The following SOS2 variants were observed in gnomAD, a reference collection of about 807,000 sequenced individuals.
SOS2 encodes son of sevenless homolog 2.
Under a neutral mutation model 148.2 loss-of-function variants are expected in SOS2, and 65 were observed. That is an observed-to-expected ratio of 0.44 (90% CI 0.36 to 0.54). SOS2 has a LOEUF of 0.54. SOS2 is among the 20% of genes least tolerant of loss of function. The probability of loss-of-function intolerance (pLI) is 0.00; values close to 1 mark genes in which losing one functional copy is unlikely to be tolerated. For missense variants in SOS2, 1,341 were observed against 1,590.2 expected, an observed-to-expected ratio of 0.84 and a Z score of 2.67; for synonymous variants, 539 against 537.1, an observed-to-expected ratio of 1.00 and a Z score of -0.05.
chr14:50,182,126 G>T (rs1258735141), intron 6 of SOS2, among the ~76,000 whole-genome samples: 1 of 150,704 alleles, frequency 6.6e-6, no homozygotes, highest in African/African-American at 2.4e-5. Flanking sequence ...ATTTTAGTTT[G>T]TTATCAGTTA....
intron 7 of SOS2, among the ~76,000 whole-genome samples, chr14:50,175,050 A>C (rs1404577859): frequency 2.0e-5 from 1 of 50,864 alleles, no homozygotes; most frequent in Non-Finnish European, 4.2e-5. Flanking sequence ...CACTGTCAAA[A>C]TAAACAGCAA....
chr14:50,118,215 T>C lies in SOS2; in HGVS notation c.*129A>G. On this transcript the variant is annotated 3_prime_UTR_variant, in exon 23 of 23. Coordinates refer to ENST00000216373, the MANE Select transcript of SOS2 (RefSeq NM_006939.4). ...ATTTTTCCAATTCTTAAAAGCTTAT[T>C]TGATCAGTAGCATTTTTGTAAGAGC... 1 of 763,802 alleles carries C rather than the reference T, an allele frequency of 1.3e-6. No homozygotes were observed. Among genetic ancestry groups the C allele is most frequent in the Non-Finnish European group, 2.1e-6 (1 of 480,288 alleles). 47.3% of individuals were successfully genotyped at this position (763,802 alleles called of 1,614,324 possible). A position where few individuals can be genotyped will look rare whatever the true frequency, so the allele number is the denominator to read the frequency against.
In SOS2 at chr14:50,130,778, A is replaced by G. The variant is rs1250739651; in HGVS notation, c.3076-16T>C. On this transcript the variant is annotated splice_polypyrimidine_tract_variant and intron_variant, in intron 19 of 22. Transcript: ENST00000216373. ...ATTTCCTAGGCTGAGAAAAGCAAAC[A>G]TAATTAATGTCACAAATTTGCATAG... The G allele has an allele frequency of 2.5e-6, 4 of 1,582,394 alleles. No individual in the cohort carries two copies. The highest frequency in any genetic ancestry group is 3.8e-5 in the Admixed American group (2 of 53,082).
At chr14:50,197,011 T>A (rs1403456080) in intron 4 of SOS2, among the ~76,000 whole-genome samples, 1 of 151,910 alleles carries the variant, frequency 6.6e-6, no homozygotes, top group Admixed American at 6.6e-5. Flanking sequence ...GGGACTATAG[T>A]CACAAGCACA....
chr14:50,135,989 A>G (rs1441237903), intron 18 of SOS2, among the ~76,000 whole-genome samples: 1 of 152,150 alleles, frequency 6.6e-6, no homozygotes, highest in Non-Finnish European at 1.5e-5. Context: ...AGCATATATA[A>G]AAATGGTACT....
At chr14:50,138,139 C>A (rs1436750704) in intron 18 of SOS2, among the ~76,000 whole-genome samples, 1 of 151,392 alleles carries the variant, frequency 6.6e-6, no homozygotes, top group Non-Finnish European at 1.5e-5. Flanking sequence ...CCATGCCCAG[C>A]CGATACTTAT....
At chr14:50,169,573 G>A (rs976079449) in intron 8 of SOS2, among the ~76,000 whole-genome samples, 1 of 152,060 alleles carries the variant, frequency 6.6e-6, no homozygotes, top group Non-Finnish European at 1.5e-5. Flanking sequence ...CTGGGAGGCA[G>A]AGGTTGCAGT....
intron 14 of SOS2, 50 bp downstream of exon 14, chr14:50,149,958 A>G (rs1294911002): frequency 1.6e-6 from 2 of 1,234,552 alleles, no homozygotes; most frequent in African/African-American, 3.0e-5. Context: ...AAAATAGGTA[A>G]TGTTCAAGAT....
In SOS2 at chr14:50,160,027, T is replaced by G. The variant is rs199998698; in HGVS notation, c.1256A>C (p.Lys419Thr). 9 of 1,614,106 alleles carry G rather than the reference T, an allele frequency of 5.6e-6. No homozygotes were observed. Among genetic ancestry groups the G allele is most frequent in the Non-Finnish European group, 7.6e-6 (9 of 1,179,988 alleles). Residue 419 changes from lysine (K) to threonine (T), a missense_variant, in exon 10 of 23, where the codon AAA (lysine) becomes ACA (threonine). Lys to Thr is a moderately conservative substitution (Grantham distance 78). This residue lies in a region of SOS2 where 574 missense variants were observed against 711.1 expected (regional missense o/e 0.81). Transcript: ENST00000216373. ...QLRSKHLAIK[K>T]MNEIQKNIDG... is the part of the protein sequence containing the mutation. ...GATATTTTTCTGAATTTCATTCATT[T>G]TTTTGATAGCCAGGTGTTTGCTTCT...
At chr14:50,192,556 TA>T (rs201886830) in intron 4 of SOS2, among the ~76,000 whole-genome samples, 5 of 145,704 alleles carry the variant, frequency 3.4e-5, no homozygotes, top group African/African-American at 1.0e-4. Context: ...ACCTTGTCTT[TA>T]AAAAAAAACA....
In SOS2 at chr14:50,139,588, T is replaced by C. The variant is rs1211445704; in HGVS notation, c.2785+354A>G. On this transcript the variant is annotated intron_variant, in intron 17 of 22. Coordinates refer to ENST00000216373, the MANE Select transcript of SOS2 (RefSeq NM_006939.4). ...ATCATACACAACAATATTTTAATTCTAAATTTAAAAATCACATAGAAGCTT... is the reference window on the plus strand; with the variant it reads ...ATCATACACAACAATATTTTAATTCCAAATTTAAAAATCACATAGAAGCTT... Among the ~76,000 whole-genome samples the C allele has an allele frequency of 3.3e-5, 5 of 152,350 alleles. No homozygotes were observed. The South Asian group carries it at 8.3e-4, about 25-fold the overall frequency.
intron 11 of SOS2, 46 bp from the exon 12 acceptor site, chr14:50,157,167 A>C: frequency 1.3e-6 from 2 of 1,582,902 alleles, no homozygotes; most frequent in Non-Finnish European, 1.7e-6. Flanking sequence ...TACATAATGA[A>C]AATACAAGGA....
intron 12 of SOS2, among the ~76,000 whole-genome samples, chr14:50,153,397 T>A (rs1594976134): frequency 6.9e-6 from 1 of 144,998 alleles, no homozygotes; most frequent in Admixed American, 6.7e-5. Context: ...TTTAAAATAT[T>A]TATAAGCATA....
At chr14:50,172,419 C>CTTTTTTTTT (rs768766517) in intron 8 of SOS2, among the ~76,000 whole-genome samples, 17,556 of 80,280 alleles carry the variant, frequency 0.22, 4,326 homozygotes, top group African/African-American at 0.28. Flanking sequence ...TTATTCATTC[C>CTTTTTTTTT]TTTTTTTTTT....
At chr14:50,135,071 C>CAAAAAAAAAAAA (rs746540364) in intron 18 of SOS2, among the ~76,000 whole-genome samples, 3 of 57,480 alleles carry the variant, frequency 5.2e-5, no homozygotes, top group Non-Finnish European at 1.0e-4. Flanking sequence ...GAGACTGTCT[C>CAAAAAAAAAAAA]AAAAAAAAAA....
chr14:50,150,625 A>C lies in SOS2; in HGVS notation c.2162-395T>G, dbSNP rs73283410. ...GGCCCAGGTTGGAGTGCAGTGGCGCAATCTCAACTTATTGCAACTTCCATG... is the reference window on the plus strand; with the variant it reads ...GGCCCAGGTTGGAGTGCAGTGGCGCCATCTCAACTTATTGCAACTTCCATG... On this transcript the variant is annotated intron_variant, in intron 13 of 22. Transcript: ENST00000216373. Among the ~76,000 whole-genome samples the C allele has an allele frequency of 8.8e-3, 1,323 of 150,876 alleles. 17 individuals carry two copies. The highest frequency in any genetic ancestry group is 0.031 in the African/African-American group (1,262 of 41,040).
At chr14:50,188,852 C>CAGG (rs1484630737) in intron 4 of SOS2, 152 bp from the exon 5 acceptor site, 29 of 584,434 alleles carry the variant, frequency 5.0e-5, no homozygotes, top group Non-Finnish European at 8.1e-5. Context: ...CACTTGAGGT[C>CAGG]AGGAGTTCAA....
chr14:50,177,398 T>C (rs1885559742), intron 7 of SOS2, among the ~76,000 whole-genome samples: 1 of 152,210 alleles, frequency 6.6e-6, no homozygotes, highest in African/African-American at 2.4e-5. Context: ...GGAAGCATTA[T>C]TTTATCTTAA....
chr14:50,118,860 A>AG lies in SOS2; in HGVS notation c.3490-8_3490-7insC, dbSNP rs950194235. The AG allele has an allele frequency of 2.8e-6, 4 of 1,446,946 alleles. No homozygotes were observed. The highest frequency in any genetic ancestry group is 3.7e-6 in the Non-Finnish European group (4 of 1,091,232). The allele number at this position is 1,446,946 out of a possible 1,614,324, so 89.6% of individuals were successfully genotyped here. A position where few individuals can be genotyped will look rare whatever the true frequency, so the allele number is the denominator to read the frequency against. On this transcript the variant is annotated splice_polypyrimidine_tract_variant and splice_region_variant and intron_variant, in intron 22 of 22. Transcript: ENST00000216373. ...CATCAGATTTCATATTTCCCTCAAA[A>AG]AAAAAAGTAATTAAATTATACCTCT...
Sources: allele counts gnomAD v4.1 joint callset (sites outside exome capture counted in the v4.1 genomes callset), GRCh38; gene constraint gnomAD v4.1.1; regional missense constraint gnomAD v4.1.1; transcripts MANE v1.5; gene names NCBI Gene and HGNC (gene_info 2026-07-23, HGNC 2026-07-21).